Variants in ELOA observed in about 807,000 individuals in gnomAD.
ELOA encodes elongin-A.
A neutral mutation model predicts 85.2 loss-of-function variants in ELOA; 15 were observed. The ratio of observed to expected loss-of-function variants is 0.18; its 90% CI spans 0.12 to 0.27. ELOA has a LOEUF of 0.27. Among genes scored for constraint, ELOA ranks in the 10% least tolerant of loss-of-function variants. The pLI, the probability that ELOA is intolerant of heterozygous loss-of-function variation, is 1.00. For missense variants in ELOA, 769 were observed against 952.7 expected, an observed-to-expected ratio of 0.81 and a Z score of 2.54; for synonymous variants, 348 against 357.2, an observed-to-expected ratio of 0.97 and a Z score of 0.29.
chr1:23,749,981 T>C, intron 3 of ELOA, 33 bp downstream of exon 3: 9 of 1,546,220 alleles, frequency 5.8e-6, no homozygotes, highest in Non-Finnish European at 7.1e-6. Context: ...TTGTTCAATT[T>C]CATGGTTAAA....
intron 7 of ELOA, among the ~76,000 whole-genome samples, chr1:23,755,556 C>T (rs1230728283): frequency 1.3e-5 from 2 of 151,864 alleles, no homozygotes; most frequent in African/African-American, 2.4e-5. Flanking sequence ...CCAAGGTGGG[C>T]GGATTATCTG....
chr1:23,750,052 T>G, intron 3 of ELOA, 104 bp downstream of exon 3: 1 of 856,958 alleles, frequency 1.2e-6, no homozygotes. Context: ...TTGTTTTGCC[T>G]CAATTATAAA....
chr1:23,746,559 A>T (rs1052539095), intron 1 of ELOA, among the ~76,000 whole-genome samples: 40 of 141,350 alleles, frequency 2.8e-4, no homozygotes, highest in Non-Finnish European at 5.2e-4. Context: ...GTGAGCCGAG[A>T]TGGCACCATT....
rs545140975 is a variant in ELOA, at chr1:23,752,469, T to C, written c.1488T>C (p.Arg496=). 22 of 1,614,128 alleles carry C rather than the reference T, an allele frequency of 1.4e-5. No homozygotes were observed. In the Admixed American group the frequency reaches 2.2e-4, roughly 16 times the overall value. The change falls in exon 5 of 11, where the codon CGT becomes CGC. Residue 496 remains arginine, a synonymous_variant. Coordinates refer to ENST00000613537, the MANE Select transcript of ELOA (RefSeq NM_003198.3). The part of the protein sequence containing the change: ...LPLPAIQANY[R]PLPSLELISS... ...TACCCGCGATACAGGCCAATTACCG[T>C]CCACTGCCTTCCCTCGAGCTGATAT...
At chr1:23,758,640 A>G (rs1483304943) in intron 10 of ELOA, among the ~76,000 whole-genome samples, 2 of 149,808 alleles carry the variant, frequency 1.3e-5, no homozygotes, top group Non-Finnish European at 3.0e-5. Flanking sequence ...CTTTATTACC[A>G]TAGACTATCC....
intron 2 of ELOA, among the ~76,000 whole-genome samples, chr1:23,749,393 A>T (rs192423949): frequency 6.6e-6 from 1 of 152,392 alleles, no homozygotes; most frequent in African/African-American, 2.4e-5. Context: ...CCACTGAATT[A>T]TGTACTTTAG....
chr1:23,759,402 C>T, intron 10 of ELOA, 110 bp from the exon 11 acceptor site: 1 of 1,011,420 alleles, frequency 9.9e-7, no homozygotes, highest in Non-Finnish European at 1.6e-6. Flanking sequence ...TGTATCTCTG[C>T]CTGGTGGTGC....
chr1:23,758,500 C>T (rs931966516), intron 10 of ELOA, among the ~76,000 whole-genome samples: 5 of 149,446 alleles, frequency 3.3e-5, no homozygotes, highest in Non-Finnish European at 5.9e-5. Context: ...GTCTCGAACC[C>T]CTGACCTTGT....
intron 1 of ELOA, 59 bp downstream of exon 1, chr1:23,743,637 G>C: frequency 7.1e-7 from 1 of 1,407,226 alleles, no homozygotes; most frequent in East Asian, 3.1e-5. Context: ...GCCCCGTAAC[G>C]GTCGCGGCCC....
rs202158596 is a variant in ELOA, at chr1:23,755,976, G to A, written c.1925G>A (p.Arg642Gln). 3.7e-4 allele frequency: 594 copies of A among 1,613,846 alleles called. No homozygotes were observed. The highest frequency in any genetic ancestry group is 1.3e-3 in the Admixed American group (78 of 59,950). The change falls in exon 8 of 11, where the codon CGA (arginine) becomes CAA (glutamine). Residue 642 changes from arginine to glutamine, a missense_variant. Arg to Gln is a conservative substitution (Grantham distance 43, BLOSUM62 1). Coordinates refer to ENST00000613537, the MANE Select transcript of ELOA (RefSeq NM_003198.3). ...CAGGACGCCCGAGAGCAGCGGCTAC[G>A]AGTACTAACAAAGAATATCCAGTTC... is the stretch of plus-strand genomic sequence containing the variant. ...RLQDAREQRL[R>Q]VLTKNIQFAH... is the part of the protein sequence containing the mutation.
chr1:23,753,724 C>T (rs1023225057), intron 5 of ELOA, among the ~76,000 whole-genome samples: 1 of 152,106 alleles, frequency 6.6e-6, no homozygotes, highest in African/African-American at 2.4e-5. Context: ...GAATAAGATA[C>T]ATTTGCTTTT....
At chr1:23,750,758 A>G in intron 3 of ELOA, 87 bp from the exon 4 acceptor site, 1 of 1,275,558 alleles carries the variant, frequency 7.8e-7, no homozygotes, top group East Asian at 2.5e-5. Context: ...CTGCATCTTC[A>G]CTTCTTTGGT....
chr1:23,752,759 A>T (rs1644777355), intron 5 of ELOA, among the ~76,000 whole-genome samples: 1 of 152,128 alleles, frequency 6.6e-6, no homozygotes, highest in African/African-American at 2.4e-5. Context: ...CCTGGCCAAC[A>T]TGGTGAAACC....
At chr1:23,748,968 T>C in intron 1 of ELOA, 53 bp from the exon 2 acceptor site, 1 of 1,451,682 alleles carries the variant, frequency 6.9e-7, no homozygotes, top group Non-Finnish European at 9.7e-7. Flanking sequence ...AATAATCAGA[T>C]ATTCTTGTTA....
rs1638265211 is a variant in ELOA at position 23,759,707 on chromosome 1, C to T, written c.*134C>T. 10 of 982,054 alleles carry T rather than the reference C, an allele frequency of 1.0e-5. No homozygotes were observed. Among genetic ancestry groups the T allele is most frequent in the Non-Finnish European group, 1.6e-5 (10 of 644,752 alleles). The allele number at this position is 982,054 out of a possible 1,614,324, so 60.8% of individuals were successfully genotyped here. A position where few individuals can be genotyped will look rare whatever the true frequency, so the allele number is the denominator to read the frequency against. On this transcript the variant is annotated 3_prime_UTR_variant, in exon 11 of 11. Coordinates refer to ENST00000613537, the MANE Select transcript of ELOA (RefSeq NM_003198.3). ...TTTGGTCTCCGAGTCCTGCAGTCTG[C>T]AGGTGCTGCCCCTGGGAACCTGCGT...
In ELOA at chr1:23,754,269, T is replaced by C. The variant is rs1440016523; in HGVS notation, c.1693+14T>C. The stretch of plus-strand genomic sequence containing the variant: ...ACAACATCGATTGTAAGTCACACGC[T>C]TCTCTCTAGCTCTCAAGCACATTGT... On this transcript the variant is annotated intron_variant, in intron 6 of 10. Coordinates refer to ENST00000613537, the MANE Select transcript of ELOA (RefSeq NM_003198.3). 6.2e-7 allele frequency: 1 copy of C among 1,614,062 alleles called. No individual in the cohort carries two copies.
At chr1:23,743,964 CGGCTCCCCGCGGAGCGGCGCG>C (rs1165079664) in intron 1 of ELOA, 1 of 164,026 alleles carries the variant, frequency 6.1e-6, no homozygotes, top group Non-Finnish European at 1.3e-5. Context: ...CGCTGGTGCC[CGGCTCCCCGCGGAGCGGCGCG>C]GACTCCCCAG....
In ELOA at chr1:23,743,569, C is replaced by A; in HGVS notation, c.66C>A (p.Asp22Glu). The change falls in exon 1 of 11, where the codon GAC (aspartate) becomes GAA (glutamate). Residue 22 changes from aspartate (D) to glutamate (E), a missense_variant. Asp to Glu is a conservative substitution (Grantham distance 45, BLOSUM62 2). Around this residue, in one of 4 missense-constraint regions of ELOA, gnomAD observed 440 missense variants for 474.0 expected, o/e 0.93. Transcript: ENST00000613537. ...AGGCGCGCCTGGCCGCGAACCCGGA[C>A]CCTAAGAAGGTAAGCGAGGGGGCGG... The part of the protein sequence containing the change: ...KLQARLAANP[D>E]PKKLLKYLKK... 2 of 1,492,252 alleles carry A rather than the reference C, an allele frequency of 1.3e-6. No homozygotes were observed. The highest frequency in any genetic ancestry group is 2.9e-5 in the East Asian group (1 of 34,528). The allele number at this position is 1,492,252 out of a possible 1,614,324, so 92.4% of individuals were successfully genotyped here. A position where few individuals can be genotyped will look rare whatever the true frequency, so the allele number is the denominator to read the frequency against.
At position 23,752,129 on chromosome 1, in the gene ELOA, G is replaced by T. The variant is rs550532702; in HGVS notation, c.1425+99G>T. 919 of 1,244,132 alleles carry T rather than the reference G, an allele frequency of 7.4e-4. 19 individuals carry two copies. The South Asian group carries it at 0.012, about 16-fold the overall frequency. 77.1% of individuals were successfully genotyped at this position (1,244,132 alleles called of 1,614,324 possible). On this transcript the variant is annotated intron_variant, in intron 4 of 10. Coordinates refer to ENST00000613537, the MANE Select transcript of ELOA (RefSeq NM_003198.3). ...CACTGTTTTCCTTAGCTTGCTTTTGGGGGGCATGTTGAATTTCAGTGTGCA... is the reference window on the plus strand; with the variant it reads ...CACTGTTTTCCTTAGCTTGCTTTTGTGGGGCATGTTGAATTTCAGTGTGCA...
Sources: allele counts gnomAD v4.1 joint callset (sites outside exome capture counted in the v4.1 genomes callset), GRCh38; gene constraint gnomAD v4.1.1; regional missense constraint gnomAD v4.1.1; transcripts MANE v1.5; gene names NCBI Gene and HGNC (gene_info 2026-07-23, HGNC 2026-07-21).